The following PDE4D variants were observed in gnomAD, a reference collection of about 807,000 sequenced individuals.
The protein encoded by PDE4D is 3',5'-cyclic-AMP phosphodiesterase 4D.
Under a neutral mutation model 87.4 loss-of-function variants are expected in PDE4D, and 24 were observed. The observed-to-expected ratio is 0.27, with a 90% CI of 0.20 to 0.39. The LOEUF is 0.39. Among genes scored for constraint, PDE4D ranks in the 10% least tolerant of loss-of-function variants. The probability of loss-of-function intolerance (pLI) is 1.00; values close to 1 mark genes in which losing one functional copy is unlikely to be tolerated. For missense variants in PDE4D, 714 were observed against 1,041.0 expected (o/e 0.69, Z 4.32); for synonymous variants, 384 against 383.2 (o/e 1.00, Z -0.02).
intron 1 of PDE4D, among the ~76,000 whole-genome samples, chr5:59,527,664 T>G (rs898462909): frequency 7.2e-5 from 11 of 152,216 alleles, no homozygotes; most frequent in Admixed American, 2.6e-4. Flanking sequence ...AAATTGTATA[T>G]CACTTTCTTC....
intron 1 of PDE4D, among the ~76,000 whole-genome samples, chr5:59,352,493 C>T (rs537921485): frequency 7.9e-5 from 12 of 152,194 alleles, no homozygotes; most frequent in African/African-American, 2.9e-4. Flanking sequence ...TTTGAGACAG[C>T]TTTTTCTAAT....
chr5:60,412,536 A>T (rs1485991365), intron 1 of PDE4D, among the ~76,000 whole-genome samples: 3 of 152,126 alleles, frequency 2.0e-5, no homozygotes, highest in Non-Finnish European at 4.4e-5. Context: ...ACTTTTTCTC[A>T]AATCATCCTC....
At chr5:59,170,789 A>C (rs56131959) in intron 5 of PDE4D, among the ~76,000 whole-genome samples, 77 of 152,284 alleles carry the variant, frequency 5.1e-4, no homozygotes, top group African/African-American at 1.8e-3. Context: ...CCCTACCTAA[A>C]TAGAATTCAC....
chr5:59,744,014 A>G (rs1328771988), intron 1 of PDE4D, among the ~76,000 whole-genome samples: 1 of 152,160 alleles, frequency 6.6e-6, no homozygotes, highest in Non-Finnish European at 1.5e-5. Flanking sequence ...TAATAAGGTG[A>G]TTTATATAAT....
intron 1 of PDE4D, among the ~76,000 whole-genome samples, chr5:60,276,327 A>G (rs1292036336): frequency 6.6e-6 from 1 of 152,186 alleles, no homozygotes; most frequent in Admixed American, 6.5e-5. Context: ...TGCATTTAAG[A>G]TTGCTAAATT....
At chr5:59,951,064 T>G (rs1758245762) in intron 3 of PDE4D, among the ~76,000 whole-genome samples, 1 of 152,104 alleles carries the variant, frequency 6.6e-6, no homozygotes, top group Non-Finnish European at 1.5e-5. Flanking sequence ...TATTTAATCC[T>G]CACAACAAAC....
At chr5:60,190,727 T>C (rs1050841780) in intron 1 of PDE4D, among the ~76,000 whole-genome samples, 1 of 152,212 alleles carries the variant, frequency 6.6e-6, no homozygotes, top group Non-Finnish European at 1.5e-5. Context: ...TTCCTAAAAC[T>C]AGTTTTATCT....
intron 6 of PDE4D, among the ~76,000 whole-genome samples, chr5:59,034,277 T>C (rs779573434): frequency 4.4e-4 from 67 of 152,206 alleles, no homozygotes; most frequent in Non-Finnish European, 8.1e-4. Context: ...TTTTGAAATT[T>C]AAAGTTTGTA....
intron 1 of PDE4D, among the ~76,000 whole-genome samples, chr5:59,371,921 T>C (rs73092997): frequency 0.015 from 2,244 of 152,326 alleles, 57 homozygotes; most frequent in African/African-American, 0.05. Flanking sequence ...ATGCTCATGT[T>C]CTACTGGACT....
intron 2 of PDE4D, among the ~76,000 whole-genome samples, chr5:60,158,341 T>C (rs1162307604): frequency 6.6e-6 from 1 of 152,130 alleles, no homozygotes; most frequent in Non-Finnish European, 1.5e-5. Context: ...CAATGGTAAG[T>C]ATTTGTGTAT....
chr5:59,141,396 C>G (rs960091690), intron 5 of PDE4D, among the ~76,000 whole-genome samples: 1 of 152,104 alleles, frequency 6.6e-6, no homozygotes. Flanking sequence ...ATAGTTTTTC[C>G]AGGGGCATGC....
At chr5:60,105,902 C>T (rs1244082864) in intron 2 of PDE4D, among the ~76,000 whole-genome samples, 2 of 152,330 alleles carry the variant, frequency 1.3e-5, no homozygotes, top group African/African-American at 4.8e-5. Flanking sequence ...ACTGCAAAAA[C>T]ATGCCAAATT....
chr5:58,983,518 C>G (rs929493989), intron 11 of PDE4D, among the ~76,000 whole-genome samples: 1 of 152,198 alleles, frequency 6.6e-6, no homozygotes, highest in Non-Finnish European at 1.5e-5. Context: ...CATAGTCAGT[C>G]AGTATCTCCT....
At chr5:59,988,364 G>A (rs896525979) in intron 3 of PDE4D, 3 of 492,532 alleles carry the variant, frequency 6.1e-6, no homozygotes, top group Non-Finnish European at 1.1e-5. Flanking sequence ...TTTTTTTTTT[G>A]ACTCTAGAAA....
intron 1 of PDE4D, among the ~76,000 whole-genome samples, chr5:59,415,198 AGAG>A (rs1207047076): frequency 1.3e-5 from 2 of 152,140 alleles, no homozygotes; most frequent in Non-Finnish European, 2.9e-5. Context: ...CTGATGAGGG[AGAG>A]GAGGATTCAG....
At chr5:59,303,108 G>A (rs1381634931) in intron 1 of PDE4D, among the ~76,000 whole-genome samples, 1 of 152,086 alleles carries the variant, frequency 6.6e-6, no homozygotes, top group Non-Finnish European at 1.5e-5. Context: ...ATCACATTTT[G>A]TGTTTTTGAT....
intron 2 of PDE4D, among the ~76,000 whole-genome samples, chr5:60,142,955 T>C (rs1181090301): frequency 6.6e-6 from 1 of 152,232 alleles, no homozygotes; most frequent in Non-Finnish European, 1.5e-5. Context: ...CAGATCTTGA[T>C]AGTCTTTAAA....
intron 1 of PDE4D, among the ~76,000 whole-genome samples, chr5:60,269,501 A>G (rs1375455801): frequency 6.6e-6 from 1 of 152,192 alleles, no homozygotes; most frequent in African/African-American, 2.4e-5. Context: ...GTTGATACTA[A>G]TGTTTTGCCA....
intron 1 of PDE4D, among the ~76,000 whole-genome samples, chr5:59,439,124 C>T (rs1430714690): frequency 3.3e-5 from 5 of 151,970 alleles, no homozygotes; most frequent in Non-Finnish European, 5.9e-5. Context: ...TTTGGGAAGC[C>T]GACGTGGGTG....
Sources: allele counts gnomAD v4.1 joint callset (sites outside exome capture counted in the v4.1 genomes callset), GRCh38; gene constraint gnomAD v4.1.1; transcripts MANE v1.5; gene names NCBI Gene and HGNC (gene_info 2026-07-23, HGNC 2026-07-21).